Variants in TEKT5 observed in about 807,000 individuals in gnomAD.
The protein encoded by TEKT5 is tektin-5.
A neutral mutation model predicts 48.7 loss-of-function variants in TEKT5; 52 were observed. The observed-to-expected ratio is 1.07, with a 90% confidence interval of 0.86 to 1.35. TEKT5 has a LOEUF of 1.35. Ranked by LOEUF, TEKT5 falls within the 40% of genes most tolerant of loss-of-function variation. The probability of loss-of-function intolerance (pLI) is 0.00; values close to 1 mark genes in which losing one functional copy is unlikely to be tolerated. For synonymous variants in TEKT5, 318 were observed against 267.6 expected (o/e 1.19, Z -1.84); for missense variants, 831 against 641.6 (o/e 1.30, Z -3.19).
At chr16:10,687,249 T>C (rs1898878161) in intron 3 of TEKT5, among the ~76,000 whole-genome samples, 1 of 151,682 alleles carries the variant, frequency 6.6e-6, no homozygotes, top group Non-Finnish European at 1.5e-5. Context: ...TGAGGTAACA[T>C]ATATGTTAAT....
At chr16:10,634,282 G>A (rs1371002279) in intron 6 of TEKT5, among the ~76,000 whole-genome samples, 2 of 152,190 alleles carry the variant, frequency 1.3e-5, no homozygotes, top group African/African-American at 4.8e-5. Flanking sequence ...AGCCATCAGG[G>A]TGAACTTCCC....
intron 5 of TEKT5, among the ~76,000 whole-genome samples, chr16:10,673,354 G>C (rs918199359): frequency 2.6e-5 from 4 of 152,248 alleles, no homozygotes; most frequent in Admixed American, 2.6e-4. Flanking sequence ...GATTGTCCAC[G>C]GCTGCTTTTG....
In TEKT5 at chr16:10,690,475, T is replaced by C. The variant is rs1320086436; in HGVS notation, c.565-450A>G. 7.9e-6 allele frequency: 6 copies of C among 759,988 alleles called. No homozygotes were observed. The East Asian group carries it at 6.4e-4, about 81-fold the overall frequency. 47.1% of individuals were successfully genotyped at this position (759,988 alleles called of 1,614,324 possible). On this transcript the variant is annotated intron_variant, in intron 1 of 6. Coordinates refer to ENST00000283025, the MANE Select transcript of TEKT5 (RefSeq NM_144674.2). Reference sequence around the variant, plus strand: ...GTGCATTTGGGCAAACTGCTTAACCTCTCTGCTGGTTTCCTCCTCTGCAGA... The same window carrying C: ...GTGCATTTGGGCAAACTGCTTAACCCCTCTGCTGGTTTCCTCCTCTGCAGA...
At chr16:10,634,002 G>C (rs1166642741) in intron 6 of TEKT5, among the ~76,000 whole-genome samples, 5 of 152,150 alleles carry the variant, frequency 3.3e-5, no homozygotes, top group Admixed American at 2.0e-4. Context: ...TCTCCTAACT[G>C]ATAGCTCTCT....
chr16:10,673,442 A>G (rs2719706), intron 5 of TEKT5, among the ~76,000 whole-genome samples: 46,933 of 151,976 alleles, frequency 0.31, 8,826 homozygotes, highest in East Asian at 0.54. Flanking sequence ...AAAGTTTGCC[A>G]ACCCTGTCCT....
intron 3 of TEKT5, among the ~76,000 whole-genome samples, chr16:10,686,299 G>A (rs28624825): frequency 6.6e-6 from 1 of 151,984 alleles, no homozygotes; most frequent in African/African-American, 2.4e-5. Flanking sequence ...ACTCAAAATA[G>A]ATTAAAGATT....
chr16:10,691,124 A>C (rs967076618), intron 1 of TEKT5: 3 of 152,226 alleles, frequency 2.0e-5, no homozygotes, highest in African/African-American at 7.2e-5. Context: ...TGGGAGGATT[A>C]CTTAAGCTCA....
At chr16:10,693,753 C>T (rs947178578) in intron 1 of TEKT5, among the ~76,000 whole-genome samples, 5 of 152,144 alleles carry the variant, frequency 3.3e-5, no homozygotes, top group African/African-American at 7.2e-5. Context: ...GAGGTCAAGG[C>T]GGGAAGATCA....
In TEKT5 at chr16:10,694,914, G is replaced by A; in HGVS notation, c.-41C>T. 1 of 1,506,496 alleles carries A rather than the reference G, an allele frequency of 6.6e-7. No individual in the cohort carries two copies. The highest frequency in any genetic ancestry group is 8.8e-7 in the Non-Finnish European group (1 of 1,133,312). The allele number at this position is 1,506,496 out of a possible 1,614,324, so 93.3% of individuals were successfully genotyped here. On this transcript the variant is annotated 5_prime_UTR_variant, in exon 1 of 7. Coordinates refer to ENST00000283025, the MANE Select transcript of TEKT5 (RefSeq NM_144674.2). ...CCACTCGGGCAAAACTCAGCTCAAGGAGCCAAAGGCATCACCAGGAAAGGT... is the reference window on the plus strand; with the variant it reads ...CCACTCGGGCAAAACTCAGCTCAAGAAGCCAAAGGCATCACCAGGAAAGGT...
At chr16:10,690,448 G>A (rs1293785217) in intron 1 of TEKT5, 2 of 470,434 alleles carry the variant, frequency 4.3e-6, no homozygotes, top group African/African-American at 2.1e-5. Context: ...ACTTCCTATT[G>A]TGTGCATTTG....
rs147253080 is a variant in TEKT5 at position 10,643,167 on chromosome 16, C to T, written c.1087-7249G>A. Among the ~76,000 whole-genome samples, 233 of 151,770 alleles carry T rather than the reference C, an allele frequency of 1.5e-3. 1 individual carries two copies. Among genetic ancestry groups the T allele is most frequent in the East Asian group, 4.1e-3 (21 of 5,146 alleles). ...ATGCCGAGGCAGGAGAATCACTTGA[C>T]GCCAGGAGTTTGAGACCAGCCTGGG... On this transcript the variant is annotated intron_variant, in intron 5 of 6. Transcript: ENST00000283025.
At chr16:10,645,075 G>T (rs992867353) in intron 5 of TEKT5, among the ~76,000 whole-genome samples, 2 of 152,134 alleles carry the variant, frequency 1.3e-5, no homozygotes, top group Non-Finnish European at 1.5e-5. Context: ...CCCTGACCTT[G>T]GACTTTTAGC....
intron 5 of TEKT5, among the ~76,000 whole-genome samples, chr16:10,662,917 C>T (rs1898398613): frequency 6.6e-6 from 1 of 152,194 alleles, no homozygotes; most frequent in African/African-American, 2.4e-5. Context: ...GCTAATATGT[C>T]TTTGTTACAG....
rs373588102 is a variant in TEKT5, at chr16:10,659,640, C to T, written c.1086+16319G>A. On this transcript the variant is annotated intron_variant, in intron 5 of 6. Coordinates refer to ENST00000283025, the MANE Select transcript of TEKT5 (RefSeq NM_144674.2). ...CCTCCCAAAGTGCTGGGATTACAGG[C>T]GTGAGCCACCACACCTGGCAATACC... Among the ~76,000 whole-genome samples the T allele has an allele frequency of 2.0e-4, 30 of 152,220 alleles. No individual in the cohort carries two copies. The East Asian group carries it at 4.6e-3, about 23-fold the overall frequency.
intron 6 of TEKT5, among the ~76,000 whole-genome samples, chr16:10,630,245 T>TTC (rs1205325290): frequency 6.6e-6 from 1 of 151,920 alleles, no homozygotes; most frequent in African/African-American, 2.4e-5. Context: ...ATTTTAATTT[T>TTC]TTTTTTTTTA....
chr16:10,675,750 C>T (rs994494828), intron 5 of TEKT5, among the ~76,000 whole-genome samples: 1 of 152,112 alleles, frequency 6.6e-6, no homozygotes, highest in Non-Finnish European at 1.5e-5. Context: ...GGCTTGTAAG[C>T]AAGACAAGAT....
chr16:10,690,091 C>G, intron 1 of TEKT5, 66 bp from the exon 2 acceptor site: 2 of 1,530,802 alleles, frequency 1.3e-6, no homozygotes, highest in South Asian at 2.3e-5. Context: ...GCAGAAGGGA[C>G]TCACATCCAC....
chr16:10,676,062 G>C lies in TEKT5; in HGVS notation c.983C>G (p.Ser328Trp). 6.2e-7 allele frequency: 1 copy of C among 1,614,202 alleles called. No individual in the cohort carries two copies. Among genetic ancestry groups the C allele is most frequent in the South Asian group, 1.1e-5 (1 of 91,074 alleles). ...TGTGAACTGCCTCCACATCTGATCC[G>C]ACAAGGTCTCAAAGAGGTGCTCCGC... ...EEAEHLFETL[S>W]DQMWRQFTDT... is the part of the protein sequence containing the mutation. Residue 328 changes from serine to tryptophan, a missense_variant, in exon 5 of 7, where the codon TCG (serine) becomes TGG (tryptophan). Transcript: ENST00000283025.
chr16:10,647,357 A>T (rs1046901964), intron 5 of TEKT5, among the ~76,000 whole-genome samples: 1 of 151,624 alleles, frequency 6.6e-6, no homozygotes, highest in Non-Finnish European at 1.5e-5. Flanking sequence ...CGGCGGTCCC[A>T]GCTACTCAGG....
Sources: allele counts gnomAD v4.1 joint callset (sites outside exome capture counted in the v4.1 genomes callset), GRCh38; gene constraint gnomAD v4.1.1; transcripts MANE v1.5; gene names NCBI Gene and HGNC (gene_info 2026-07-23, HGNC 2026-07-21).